Variants in FAM110B observed in about 807,000 individuals in gnomAD.
FAM110B encodes the protein protein FAM110B.
A neutral mutation model predicts 20.4 loss-of-function variants in FAM110B; 6 were observed. That is an observed-to-expected ratio of 0.29 (90% CI 0.16 to 0.58). The LOEUF (loss-of-function observed/expected upper bound fraction) is 0.58. Ranked by LOEUF, FAM110B falls within the 20% of genes least tolerant of loss-of-function variation. The pLI, the probability that FAM110B is intolerant of heterozygous loss-of-function variation, is 0.90. For synonymous variants in FAM110B, 226 were observed against 214.1 expected, an observed-to-expected ratio of 1.06 and a Z score of -0.49; for missense variants, 434 against 498.2, an observed-to-expected ratio of 0.87 and a Z score of 1.23.
chr8:58,113,061 C>T (rs181243149), intron 3 of FAM110B: 2 of 149,514 alleles, frequency 1.3e-5, no homozygotes, highest in Non-Finnish European at 1.5e-5. Context: ...TCTCTTCAGC[C>T]CCTTACAAGG....
At chr8:58,043,053 A>T (rs1805251879) in intron 2 of FAM110B, 1 of 152,218 alleles carries the variant, frequency 6.6e-6, no homozygotes, top group Non-Finnish European at 1.5e-5. Context: ...GCTGATATTT[A>T]AAGAATATGA....
intron 2 of FAM110B, among the ~76,000 whole-genome samples, chr8:58,073,354 C>T (rs1478788023): frequency 6.6e-6 from 1 of 152,158 alleles, no homozygotes; most frequent in Admixed American, 6.6e-5. Flanking sequence ...CCAGGGAGGG[C>T]TTCAGGAGAA....
chr8:58,064,683 A>AG (rs1805726968), intron 2 of FAM110B, among the ~76,000 whole-genome samples: 1 of 152,178 alleles, frequency 6.6e-6, no homozygotes, highest in African/African-American at 2.4e-5. Flanking sequence ...ACTAAGTGCT[A>AG]GGCACTCCCT....
intron 3 of FAM110B, among the ~76,000 whole-genome samples, chr8:58,087,408 C>T (rs1160744653): frequency 6.6e-6 from 1 of 152,212 alleles, no homozygotes; most frequent in African/African-American, 2.4e-5. Flanking sequence ...ATACATTTCA[C>T]AAGCACTTTC....
chr8:58,004,856 T>C (rs1804369787), intron 1 of FAM110B, among the ~76,000 whole-genome samples: 1 of 152,236 alleles, frequency 6.6e-6, no homozygotes, highest in Non-Finnish European at 1.5e-5. Context: ...TTGCTCTGGA[T>C]TGGGCCTTGA....
At chr8:58,117,213 T>C (rs1807236150) in intron 3 of FAM110B, among the ~76,000 whole-genome samples, 1 of 152,228 alleles carries the variant, frequency 6.6e-6, no homozygotes, top group Non-Finnish European at 1.5e-5. Flanking sequence ...AGAAGCTAAC[T>C]GAGCTCTACC....
In FAM110B at chr8:58,015,571, C is replaced by A. The variant is rs13282089; in HGVS notation, c.-511-16035C>A. On this transcript the variant is annotated intron_variant, in intron 1 of 3. Transcript: ENST00000519262. ...TCTTGAAAAGGCATGAGGGGCCGGGCATGGTGACTCATGCCTGTAATCTCA... is the reference window on the plus strand; with the variant it reads ...TCTTGAAAAGGCATGAGGGGCCGGGAATGGTGACTCATGCCTGTAATCTCA... Among the ~76,000 whole-genome samples, 685 of 151,676 alleles carry A rather than the reference C, an allele frequency of 4.5e-3. 4 individuals carry two copies. Among genetic ancestry groups the A allele is most frequent in the Non-Finnish European group, 6.8e-3 (464 of 67,864 alleles).
chr8:58,074,509 C>A (rs1047285882), intron 2 of FAM110B, among the ~76,000 whole-genome samples: 1 of 152,224 alleles, frequency 6.6e-6, no homozygotes, highest in Admixed American at 6.5e-5. Flanking sequence ...GGAGCCACCT[C>A]AGTGGGACAT....
chr8:58,129,385 A>G (rs2150632903), intron 3 of FAM110B, among the ~76,000 whole-genome samples: 1 of 152,386 alleles, frequency 6.6e-6, no homozygotes, highest in Non-Finnish European at 1.5e-5. Context: ...CTGACACATT[A>G]CATGCAAATA....
At chr8:58,053,150 G>A (rs1805487274) in intron 2 of FAM110B, among the ~76,000 whole-genome samples, 1 of 152,300 alleles carries the variant, frequency 6.6e-6, no homozygotes, top group East Asian at 1.9e-4. Context: ...GCTGACTGCA[G>A]TAGAGAGTCT....
chr8:58,006,917 A>T (rs1468668007), intron 1 of FAM110B, among the ~76,000 whole-genome samples: 23 of 84,176 alleles, frequency 2.7e-4, no homozygotes, highest in Non-Finnish European at 4.8e-4. Flanking sequence ...ATATATATAT[A>T]TATATATTTT....
intron 1 of FAM110B, among the ~76,000 whole-genome samples, chr8:58,009,764 G>A (rs181873918): frequency 2.0e-5 from 3 of 152,302 alleles, no homozygotes; most frequent in East Asian, 3.9e-4. Flanking sequence ...AACATAGTGC[G>A]AAGCAGATGG....
chr8:58,060,886 G>A (rs1020766002), intron 2 of FAM110B, among the ~76,000 whole-genome samples: 3 of 152,032 alleles, frequency 2.0e-5, no homozygotes, highest in Non-Finnish European at 2.9e-5. Context: ...CCTCATCAGC[G>A]AGACCCACCA....
intron 3 of FAM110B, among the ~76,000 whole-genome samples, chr8:58,138,654 G>C (rs1330522429): frequency 6.6e-6 from 1 of 152,204 alleles, no homozygotes; most frequent in East Asian, 1.9e-4. Flanking sequence ...TTGCTAGCTT[G>C]CTTCGCCCAC....
At chr8:58,002,271 ACAAT>A (rs1356242734) in intron 1 of FAM110B, among the ~76,000 whole-genome samples, 4 of 152,272 alleles carry the variant, frequency 2.6e-5, no homozygotes, top group Admixed American at 2.0e-4. Flanking sequence ...CATAAAATTA[ACAAT>A]CACATATCTG....
chr8:58,067,996 G>A (rs559634862), intron 2 of FAM110B, among the ~76,000 whole-genome samples: 10 of 152,216 alleles, frequency 6.6e-5, no homozygotes, highest in Non-Finnish European at 1.3e-4. Flanking sequence ...CTTTTAGAAA[G>A]TGTCTGTTTA....
At chr8:58,008,727 A>G (rs940404870) in intron 1 of FAM110B, among the ~76,000 whole-genome samples, 2 of 152,170 alleles carry the variant, frequency 1.3e-5, no homozygotes, top group African/African-American at 4.8e-5. Flanking sequence ...CTCAATGAAT[A>G]CTTCTCCGTG....
At chr8:58,049,829 C>G (rs1489614349) in intron 2 of FAM110B, among the ~76,000 whole-genome samples, 2 of 152,170 alleles carry the variant, frequency 1.3e-5, no homozygotes, top group Non-Finnish European at 2.9e-5. Flanking sequence ...AAAACATCCT[C>G]TAATATTTAC....
At chr8:58,045,138 A>G (rs1032177980) in intron 2 of FAM110B, among the ~76,000 whole-genome samples, 1 of 152,076 alleles carries the variant, frequency 6.6e-6, no homozygotes, top group Non-Finnish European at 1.5e-5. Flanking sequence ...TGACACCTTT[A>G]TTAAGGGAGG....
Sources: gnomAD v4.1 joint callset for allele counts (sites outside exome capture counted in the v4.1 genomes callset) on GRCh38, gnomAD v4.1.1 for gene constraint, MANE v1.5 for transcripts, NCBI Gene and HGNC (gene_info 2026-07-23, HGNC 2026-07-21) for gene names.